RMST: variants seen among roughly 807,000 people sequenced by gnomAD.
RMST encodes rhabdomyosarcoma 2 associated transcript.
intron 11 of RMST, among the ~76,000 whole-genome samples, chr12:97,540,402 G>T (rs930202999): frequency 6.6e-5 from 10 of 151,746 alleles, no homozygotes; most frequent in Admixed American, 2.6e-4. Context: ...TATATTTTTG[G>T]TTGGTTTATT....
At chr12:97,494,358 A>C (rs2136458461) in intron 8 of RMST, among the ~76,000 whole-genome samples, 1 of 152,264 alleles carries the variant, frequency 6.6e-6, no homozygotes, top group South Asian at 2.1e-4. Context: ...ATATAATTTG[A>C]GTTTTAGTAA....
At chr12:97,551,587 G>T (rs1056467739) in intron 11 of RMST, among the ~76,000 whole-genome samples, 1 of 152,176 alleles carries the variant, frequency 6.6e-6, no homozygotes, top group Non-Finnish European at 1.5e-5. Flanking sequence ...GTTGTCATGC[G>T]AGAAGTGTAC....
intron 10 of RMST, among the ~76,000 whole-genome samples, chr12:97,519,665 A>C (rs1469317846): frequency 1.3e-5 from 2 of 152,230 alleles, no homozygotes; most frequent in Non-Finnish European, 2.9e-5. Flanking sequence ...GATGTTCAGA[A>C]TCGGTTCTTA....
At chr12:97,493,256 C>A (rs1183501372) in exon 7 of RMST, 1 of 152,532 alleles carries the variant, frequency 6.6e-6, no homozygotes, top group Non-Finnish European at 1.5e-5. Context: ...CATAGAACCA[C>A]GGAGACTTGG....
chr12:97,486,062 C>T (rs2136435031), intron 5 of RMST, among the ~76,000 whole-genome samples: 1 of 152,296 alleles, frequency 6.6e-6, no homozygotes, highest in South Asian at 2.1e-4. Context: ...TTCTACAATA[C>T]TAGCAAGACC....
chr12:97,527,076 TATTG>T (rs776909321), intron 10 of RMST, among the ~76,000 whole-genome samples: 213 of 152,230 alleles, frequency 1.4e-3, no homozygotes, highest in Non-Finnish European at 2.2e-3. Context: ...GAGTTTCAGG[TATTG>T]ATTCTACATC....
intron 10 of RMST, chr12:97,530,301 C>A (rs780474454): frequency 6.6e-6 from 1 of 152,022 alleles, no homozygotes; most frequent in Non-Finnish European, 1.5e-5. Context: ...TTAGCACATA[C>A]CCTACTGTCT....
intron 11 of RMST, among the ~76,000 whole-genome samples, chr12:97,546,904 TTCTG>T (rs1458705498): frequency 3.9e-5 from 6 of 152,026 alleles, no homozygotes; most frequent in South Asian, 2.1e-4. Flanking sequence ...GACTAATTCC[TTCTG>T]TCTAACTGAA....
intron 11 of RMST, among the ~76,000 whole-genome samples, chr12:97,553,386 G>C (rs978173202): frequency 1.3e-5 from 2 of 152,114 alleles, no homozygotes; most frequent in Non-Finnish European, 2.9e-5. Flanking sequence ...AGAAATTTAT[G>C]CACAGTTAGC....
intron 11 of RMST, among the ~76,000 whole-genome samples, chr12:97,559,184 CTTTGTGTTT>C (rs1883933716): frequency 6.6e-6 from 1 of 151,834 alleles, no homozygotes; most frequent in East Asian, 1.9e-4. Flanking sequence ...TCATGAATGA[CTTTGTGTTT>C]TGCATAAGGC....
intron 3 of RMST, chr12:97,462,947 C>T (rs1872733914): frequency 6.6e-6 from 1 of 151,508 alleles, no homozygotes; most frequent in Non-Finnish European, 1.5e-5. Flanking sequence ...TGAAGAAGGA[C>T]ACGGCTTTGA....
chr12:97,536,668 C>T (rs1882101634), intron 11 of RMST, among the ~76,000 whole-genome samples: 1 of 151,400 alleles, frequency 6.6e-6, no homozygotes. Context: ...ATTATAAAGG[C>T]CTGGTGTTTA....
intron 5 of RMST, among the ~76,000 whole-genome samples, chr12:97,475,022 C>G (rs990991675): frequency 1.3e-5 from 2 of 152,252 alleles, no homozygotes; most frequent in Non-Finnish European, 2.9e-5. Context: ...AATGTTGCTT[C>G]CGAAAACAAA....
intron 11 of RMST, chr12:97,533,020 T>A (rs1157398477): frequency 6.6e-6 from 1 of 151,880 alleles, no homozygotes; most frequent in Non-Finnish European, 1.5e-5. Flanking sequence ...ATTTTAATTT[T>A]CATTTTTGCA....
chr12:97,553,673 C>A (rs1303525941), intron 11 of RMST, among the ~76,000 whole-genome samples: 1 of 151,994 alleles, frequency 6.6e-6, no homozygotes. Context: ...CCTGTAATGC[C>A]CCTGGAGCAT....
At chr12:97,523,816 G>A (rs912609405) in intron 10 of RMST, among the ~76,000 whole-genome samples, 6 of 152,024 alleles carry the variant, frequency 3.9e-5, no homozygotes, top group East Asian at 1.9e-4. Context: ...AGTGGCTCAT[G>A]CCTGCAATCC....
intron 11 of RMST, among the ~76,000 whole-genome samples, chr12:97,535,024 T>A (rs1881961626): frequency 6.6e-6 from 1 of 151,692 alleles, no homozygotes; most frequent in Non-Finnish European, 1.5e-5. Flanking sequence ...TTTCTAGGTT[T>A]TTTTAAAAAA....
At chr12:97,539,702 T>C (rs1439854387) in intron 11 of RMST, among the ~76,000 whole-genome samples, 1 of 151,652 alleles carries the variant, frequency 6.6e-6, no homozygotes, top group East Asian at 1.9e-4. Context: ...CACATGAGCA[T>C]TTCTACATTT....
intron 5 of RMST, among the ~76,000 whole-genome samples, chr12:97,466,967 T>C (rs1873262754): frequency 6.6e-6 from 1 of 152,034 alleles, no homozygotes; most frequent in South Asian, 2.1e-4. Context: ...GGGAAGAATA[T>C]TTGATATGAT....
Sources: gnomAD v4.1 joint callset for allele counts (sites outside exome capture counted in the v4.1 genomes callset) on GRCh38, gnomAD v4.1.1 for gene constraint, MANE v1.5 for transcripts, NCBI Gene and HGNC (gene_info 2026-07-23, HGNC 2026-07-21) for gene names.